Variants in GABARAPL2 observed in about 807,000 individuals in gnomAD.
GABARAPL2 encodes gamma-aminobutyric acid receptor-associated protein-like 2.
Under a neutral mutation model 16.9 loss-of-function variants are expected in GABARAPL2, and 11 were observed. The observed-to-expected ratio is 0.65, with a 90% confidence interval of 0.41 to 1.08. GABARAPL2 has a LOEUF of 1.08. Among genes scored for constraint, GABARAPL2 ranks in the 50% least tolerant of loss-of-function variants. The pLI is 0.00. For synonymous variants in GABARAPL2, 57 were observed against 50.7 expected (o/e 1.12, Z -0.53); for missense variants, 134 against 142.5 (o/e 0.94, Z 0.30).
At chr16:75,572,980 C>A (rs6564268) in intron 3 of GABARAPL2, among the ~76,000 whole-genome samples, 1 of 152,126 alleles carries the variant, frequency 6.6e-6, no homozygotes, top group East Asian at 1.9e-4. Flanking sequence ...GTGCTACTTG[C>A]GAGTTGTCAG....
chr16:75,573,580 T>C (rs1218904933), intron 3 of GABARAPL2, among the ~76,000 whole-genome samples: 1 of 152,246 alleles, frequency 6.6e-6, no homozygotes, highest in East Asian at 1.9e-4. Context: ...GGCATCTAAC[T>C]GTCAAATTAC....
chr16:75,569,709 C>T (rs1473383059), intron 3 of GABARAPL2, among the ~76,000 whole-genome samples: 32 of 152,152 alleles, frequency 2.1e-4, no homozygotes, highest in Non-Finnish European at 5.9e-5. Context: ...TTCTGGAGAC[C>T]TTAAGATTAC....
intron 1 of GABARAPL2, 27 bp from the exon 2 acceptor site, chr16:75,566,825 C>G (rs201919472): frequency 5.6e-5 from 90 of 1,607,870 alleles, no homozygotes; most frequent in South Asian, 5.5e-5. Flanking sequence ...CAGGCGCGGC[C>G]GTCAGCCCCG....
intron 1 of GABARAPL2, 120 bp from the exon 2 acceptor site, chr16:75,566,732 C>T (rs949549383): frequency 2.3e-5 from 25 of 1,072,254 alleles, no homozygotes; most frequent in Non-Finnish European, 3.4e-5. Context: ...AGGACCGCGG[C>T]CCCGGGGACG....
At chr16:75,570,433 A>C (rs1403915026) in intron 3 of GABARAPL2, among the ~76,000 whole-genome samples, 1 of 152,156 alleles carries the variant, frequency 6.6e-6, no homozygotes, top group African/African-American at 2.4e-5. Flanking sequence ...CCTCTTCCTC[A>C]GGTCTTTTCA....
At chr16:75,568,250 T>C in intron 3 of GABARAPL2, 41 bp downstream of exon 3, 1 of 1,437,740 alleles carries the variant, frequency 7.0e-7, no homozygotes, top group Non-Finnish European at 9.7e-7. Flanking sequence ...GTATTAGACA[T>C]CTGGTTGGCT....
At chr16:75,566,764 T>A (rs1420929314) in intron 1 of GABARAPL2, 88 bp from the exon 2 acceptor site, 5 of 1,287,752 alleles carry the variant, frequency 3.9e-6, no homozygotes, top group Non-Finnish European at 4.5e-6. Context: ...GCCTGGGTTG[T>A]ACGCAGGGCG....
chr16:75,572,738 A>C (rs756913417), intron 3 of GABARAPL2: 9 of 152,178 alleles, frequency 5.9e-5, no homozygotes, highest in Non-Finnish European at 1.2e-4. Context: ...ACTTCACCTT[A>C]GATTAGCTCC....
intron 1 of GABARAPL2, 111 bp from the exon 2 acceptor site, chr16:75,566,741 C>T (rs2151716455): frequency 1.8e-6 from 2 of 1,136,412 alleles, no homozygotes; most frequent in East Asian, 2.4e-5. Flanking sequence ...GCCCCGGGGA[C>T]GCCGGAACCA....
chr16:75,566,808 C>A (rs901011346), intron 1 of GABARAPL2, 44 bp from the exon 2 acceptor site: 5 of 1,572,784 alleles, frequency 3.2e-6, no homozygotes, highest in South Asian at 2.2e-5. Context: ...GGGAACCGAC[C>A]GGTGGGCAGG....
chr16:75,568,861 G>A (rs2080898864), intron 3 of GABARAPL2, among the ~76,000 whole-genome samples: 1 of 152,150 alleles, frequency 6.6e-6, no homozygotes, highest in Non-Finnish European at 1.5e-5. Context: ...GTGTTTGACA[G>A]CCCAGCTTTA....
chr16:75,575,366 G>A (rs535382544), intron 3 of GABARAPL2, among the ~76,000 whole-genome samples: 33 of 151,978 alleles, frequency 2.2e-4, no homozygotes, highest in Admixed American at 3.9e-4. Flanking sequence ...CACGATCTTG[G>A]CTCACTGCAA....
chr16:75,568,452 T>C (rs1299259006), intron 3 of GABARAPL2: 2 of 357,408 alleles, frequency 5.6e-6, no homozygotes, highest in Non-Finnish European at 1.0e-5. Context: ...GCCTAAGATC[T>C]CCAAGAATCT....
intron 2 of GABARAPL2, 151 bp downstream of exon 2, chr16:75,567,058 C>A (rs754512842): frequency 2.9e-5 from 20 of 699,462 alleles, no homozygotes; most frequent in Admixed American, 4.3e-5. Context: ...CGCCCAGGGC[C>A]GGGGCGTGAG....
At chr16:75,570,377 G>C (rs1451400194) in intron 3 of GABARAPL2, among the ~76,000 whole-genome samples, 1 of 152,186 alleles carries the variant, frequency 6.6e-6, no homozygotes, top group Non-Finnish European at 1.5e-5. Context: ...TCCTAAAGCT[G>C]GCTGTGATTC....
intron 3 of GABARAPL2, chr16:75,572,608 T>G (rs2080922375): frequency 6.6e-6 from 1 of 152,332 alleles, no homozygotes; most frequent in Non-Finnish European, 1.5e-5. Flanking sequence ...CTTTTTTTAT[T>G]GCACAGTTTC....
chr16:75,572,031 C>T (rs373921778), intron 3 of GABARAPL2, among the ~76,000 whole-genome samples: 11 of 150,830 alleles, frequency 7.3e-5, no homozygotes, highest in East Asian at 6.1e-4. Context: ...TGTGTGGTGG[C>T]GGTCGCCGGT....
chr16:75,567,384 C>T (rs975077716), intron 2 of GABARAPL2, among the ~76,000 whole-genome samples: 12 of 152,332 alleles, frequency 7.9e-5, no homozygotes, highest in Non-Finnish European at 1.8e-4. Context: ...CTGAAAACCC[C>T]TTCTGCCATA....
chr16:75,577,685 G>A lies in GABARAPL2; in HGVS notation c.*316G>A, dbSNP rs1286303825. ...GCGGTATTAAAGTGAAAGGGAAGGT[G>A]ATGCATTTATTCTGGGTTATGCTTG... On this transcript the variant is annotated 3_prime_UTR_variant, in exon 4 of 4. Transcript: ENST00000037243. The A allele has an allele frequency of 4.5e-6, 1 of 221,642 alleles. No homozygotes were observed. Among genetic ancestry groups the A allele is most frequent in the Non-Finnish European group, 9.0e-6 (1 of 110,804 alleles). The allele number at this position is 221,642 out of a possible 1,614,324, so 13.7% of individuals were successfully genotyped here. A position where few individuals can be genotyped will look rare whatever the true frequency, so the allele number is the denominator to read the frequency against.
Sources: allele counts gnomAD v4.1 joint callset (sites outside exome capture counted in the v4.1 genomes callset), GRCh38; gene constraint gnomAD v4.1.1; transcripts MANE v1.5; gene names NCBI Gene and HGNC (gene_info 2026-07-23, HGNC 2026-07-21).